The following PLP1 variants were observed in gnomAD, a reference collection of about 807,000 sequenced individuals.
PLP1 encodes the protein proteolipid protein 1, also known as myelin proteolipid protein.
In PLP1, 2 loss-of-function variants were observed where a neutral mutation model predicts 18.5. The observed-to-expected ratio is 0.11, with a 90% CI of 0.04 to 0.34. PLP1 has a LOEUF of 0.34. Ranked by LOEUF, PLP1 falls within the 10% of genes least tolerant of loss-of-function variation. PLP1 has a pLI of 1.00. For synonymous variants in PLP1, 86 were observed against 83.2 expected (o/e 1.03, Z -0.19); for missense variants, 105 against 207.3 (o/e 0.51, Z 3.03).
chrX:103,781,429 C>T (rs999538497), intron 1 of PLP1: 5 of 226,694 alleles, frequency 2.2e-5, no homozygotes, highest in Admixed American at 1.7e-4. Context: ...AGTTTGTATA[C>T]AAATGTAGCC....
At chrX:103,786,317 C>A (rs1246661908) in intron 2 of PLP1, 148 bp from the exon 3 acceptor site, 3 of 1,056,294 alleles carry the variant, frequency 2.8e-6, no homozygotes, top group African/African-American at 3.7e-5. Context: ...AAGGTGAAAG[C>A]ATGCAGGAGG....
chrX:103,776,846 A>G lies in PLP1; in HGVS notation c.-150A>G, dbSNP rs2074414441. The G allele has an allele frequency of 3.5e-6, 2 of 571,112 alleles. No homozygotes were observed. The highest frequency in any genetic ancestry group is 4.6e-5 in the African/African-American group (2 of 43,141). The allele number at this position is 571,112 out of a possible 1,213,427, so 47.1% of individuals were successfully genotyped here. ...GGCTGTCAATCAGAAAGCCCTTTTC[A>G]TTGCAGGAGAAGAGGACAAAGATAC... On this transcript the variant is annotated 5_prime_UTR_variant, in exon 1 of 7. Transcript: ENST00000621218.
chrX:103,781,524 T>C (rs758646740), intron 1 of PLP1, among the ~76,000 whole-genome samples: 80 of 112,336 alleles, frequency 7.1e-4, no homozygotes, highest in Non-Finnish European at 1.4e-3. Flanking sequence ...TATAGGTAGC[T>C]TTAGATTTTG....
At chrX:103,790,204 A>T (rs1408808735) in intron 6 of PLP1, among the ~76,000 whole-genome samples, 1 of 112,412 alleles carries the variant, frequency 8.9e-6, no homozygotes, top group Non-Finnish European at 1.9e-5. Context: ...TCACTCGGAC[A>T]TATTGATGTG....
At chrX:103,782,791 C>A (rs1328831596) in intron 1 of PLP1, among the ~76,000 whole-genome samples, 1 of 5,029 alleles carries the variant, frequency 2.0e-4, no homozygotes, top group African/African-American at 9.0e-4. Context: ...GAGTCTGACC[C>A]CCTCCCCACC....
intron 1 of PLP1, among the ~76,000 whole-genome samples, chrX:103,782,726 G>C (rs1887829451): frequency 8.9e-6 from 1 of 112,063 alleles, no homozygotes; most frequent in African/African-American, 3.2e-5. Context: ...TCACTTGCTA[G>C]GGTGGATGGC....
intron 1 of PLP1, among the ~76,000 whole-genome samples, chrX:103,781,802 C>T (rs1342898915): frequency 8.9e-6 from 1 of 112,342 alleles, no homozygotes; most frequent in Admixed American, 9.4e-5. Flanking sequence ...TTTATGCCAA[C>T]TCTCTCATCT....
intron 1 of PLP1, chrX:103,781,056 G>T (rs1340323492): frequency 3.7e-5 from 7 of 191,371 alleles, no homozygotes; most frequent in Non-Finnish European, 7.1e-5. Flanking sequence ...CCCTTTGTCA[G>T]CTGGATTCAA....
upstream of PLP1, chrX:103,776,713 GA>G (rs2147752330): frequency 3.1e-6 from 1 of 324,292 alleles, no homozygotes; most frequent in South Asian, 1.2e-4. Context: ...GGCAGAAAGA[GA>G]AGATGGAGCC....
chrX:103,785,544 C>T, intron 1 of PLP1, 38 bp from the exon 2 acceptor site: 1 of 1,141,902 alleles, frequency 8.8e-7, no homozygotes. Flanking sequence ...GAGCTACCTA[C>T]TGGATGTGCC....
At chrX:103,787,776 C>T in intron 3 of PLP1, 22 bp from the exon 4 acceptor site, 7 of 1,194,084 alleles carry the variant, frequency 5.9e-6, no homozygotes, top group Non-Finnish European at 8.0e-6. Flanking sequence ...GATTTCTAAC[C>T]ACCCCATGTC....
At chrX:103,789,042 T>G (rs2074522688) in intron 5 of PLP1, 1 of 375,761 alleles carries the variant, frequency 2.7e-6, no homozygotes. Flanking sequence ...CAGCAAAATG[T>G]TGACTTTAAA....
intron 1 of PLP1, 152 bp downstream of exon 1, chrX:103,777,151 T>A: frequency 1.9e-6 from 1 of 537,652 alleles, no homozygotes; most frequent in Non-Finnish European, 3.3e-6. Context: ...TCAGTTAGAT[T>A]AACTCCTTCT....
chrX:103,790,430 T>C (rs2074535286), intron 6 of PLP1, 97 bp from the exon 7 acceptor site: 5 of 663,050 alleles, frequency 7.5e-6, no homozygotes, highest in Non-Finnish European at 1.3e-5. Flanking sequence ...TATTTAGTTA[T>C]GATTTTATTT....
chrX:103,781,923 C>A (rs775096104), intron 1 of PLP1, among the ~76,000 whole-genome samples: 1 of 111,870 alleles, frequency 8.9e-6, no homozygotes, highest in South Asian at 3.8e-4. Flanking sequence ...CCCTTTCAAC[C>A]AGGAGGGGTT....
chrX:103,789,279 G>C, intron 5 of PLP1, 54 bp from the exon 6 acceptor site: 1 of 837,638 alleles, frequency 1.2e-6, no homozygotes, highest in Non-Finnish European at 1.8e-6. Context: ...ATTTACAGTG[G>C]AGCATATTAC....
chrX:103,781,884 T>A (rs1053747861), intron 1 of PLP1, among the ~76,000 whole-genome samples: 60 of 111,945 alleles, frequency 5.4e-4, no homozygotes, highest in African/African-American at 1.9e-3. Context: ...CCCTAGAATC[T>A]CTTCCAGCCT....
In PLP1 at chrX:103,790,737, G is replaced by A; in HGVS notation, c.*139G>A. 1 of 545,411 alleles carries A rather than the reference G, an allele frequency of 1.8e-6. No individual in the cohort carries two copies. Among genetic ancestry groups the A allele is most frequent in the East Asian group, 3.4e-5 (1 of 29,573 alleles). The allele number at this position is 545,411 out of a possible 1,213,427, so 44.9% of individuals were successfully genotyped here. Reference sequence around the variant, plus strand: ...TTGATGAGTGTAACAAGAAAGGAGAGTCTTGCAGTGATTAAGGTCTCTCTT... The same window carrying A: ...TTGATGAGTGTAACAAGAAAGGAGAATCTTGCAGTGATTAAGGTCTCTCTT... On this transcript the variant is annotated 3_prime_UTR_variant, in exon 7 of 7. Transcript: ENST00000621218.
intron 2 of PLP1, chrX:103,786,070 A>G: frequency 3.8e-6 from 4 of 1,043,874 alleles, no homozygotes; most frequent in Non-Finnish European, 4.9e-6. Flanking sequence ...CGTAGTAGGT[A>G]TGGAGAAGCC....
Sources: allele counts gnomAD v4.1 joint callset (sites outside exome capture counted in the v4.1 genomes callset), GRCh38; gene constraint gnomAD v4.1.1; transcripts MANE v1.5; gene names NCBI Gene and HGNC (gene_info 2026-07-23, HGNC 2026-07-21).